The following ACOT7 variants were observed in gnomAD, a reference collection of about 807,000 sequenced individuals.
ACOT7 encodes acyl-CoA thioesterase 7.
Under a neutral mutation model 40.2 loss-of-function variants are expected in ACOT7, and 12 were observed. That is an observed-to-expected ratio of 0.30 (90% CI 0.19 to 0.48). The LOEUF (loss-of-function observed/expected upper bound fraction) is 0.48, where lower values mean the gene tolerates loss of function less well. Among genes scored for constraint, ACOT7 ranks in the 20% least tolerant of loss-of-function variants. The pLI, the probability that ACOT7 is intolerant of heterozygous loss-of-function variation, is 0.99. For synonymous variants in ACOT7, 228 were observed against 219.5 expected, an observed-to-expected ratio of 1.04 and a Z score of -0.34; for missense variants, 395 against 530.8, an observed-to-expected ratio of 0.74 and a Z score of 2.51.
intron 4 of ACOT7, 92 bp from the exon 5 acceptor site, chr1:6,327,505 G>A: frequency 9.4e-7 from 1 of 1,063,054 alleles, no homozygotes. Context: ...ATAGCCTTGT[G>A]TAACTGGGAC....
At chr1:6,346,333 C>T (rs1363102115) in intron 2 of ACOT7, among the ~76,000 whole-genome samples, 1 of 152,204 alleles carries the variant, frequency 6.6e-6, no homozygotes. Context: ...AACTCCTGAG[C>T]TCAAGTGACC....
chr1:6,329,069 C>T (rs929529916), intron 4 of ACOT7, among the ~76,000 whole-genome samples: 3 of 152,278 alleles, frequency 2.0e-5, no homozygotes, highest in Non-Finnish European at 4.4e-5. Context: ...CCTCTGGGCC[C>T]CTCGGCCGCC....
At chr1:6,326,756 T>C (rs1252300422) in intron 5 of ACOT7, among the ~76,000 whole-genome samples, 1 of 151,776 alleles carries the variant, frequency 6.6e-6, no homozygotes, top group East Asian at 1.9e-4. Context: ...TGAAACCCCA[T>C]CTCTACTAAA....
At chr1:6,276,440 T>C (rs1639191358) in intron 8 of ACOT7, among the ~76,000 whole-genome samples, 1 of 151,782 alleles carries the variant, frequency 6.6e-6, no homozygotes, top group African/African-American at 2.4e-5. Context: ...GACCGGGAAG[T>C]GCTGGCAGCT....
At chr1:6,265,499 C>T (rs998852880) in intron 8 of ACOT7, among the ~76,000 whole-genome samples, 57 of 152,328 alleles carry the variant, frequency 3.7e-4, no homozygotes, top group African/African-American at 1.4e-3. Context: ...TCTCATTGGT[C>T]TGGGGGCAGA....
At chr1:6,329,451 G>A (rs189102442) in intron 4 of ACOT7, among the ~76,000 whole-genome samples, 5 of 152,210 alleles carry the variant, frequency 3.3e-5, no homozygotes, top group African/African-American at 4.8e-5. Context: ...AACATTGGTG[G>A]GTGAACTTCA....
At chr1:6,310,579 C>T (rs61319057) in intron 6 of ACOT7, among the ~76,000 whole-genome samples, 1,652 of 152,290 alleles carry the variant, frequency 0.011, 27 homozygotes, top group African/African-American at 0.038. Flanking sequence ...TTGAGACAAA[C>T]CTACACTCTA....
chr1:6,316,755 A>T (rs1440637397), intron 6 of ACOT7, among the ~76,000 whole-genome samples: 1 of 152,210 alleles, frequency 6.6e-6, no homozygotes, highest in Admixed American at 6.5e-5. Context: ...GGATACAGTG[A>T]GACAAGATCA....
At position 6,299,049 on chromosome 1, in the gene ACOT7, C is replaced by A. The variant is rs1012104046; in HGVS notation, c.713-4069G>T. Among the ~76,000 whole-genome samples, 8 of 152,338 alleles carry A rather than the reference C, an allele frequency of 5.3e-5. No homozygotes were observed. In the South Asian group the frequency reaches 8.3e-4, roughly 16 times the overall value. On this transcript the variant is annotated intron_variant, in intron 6 of 8. Transcript: ENST00000361521. The surrounding 1 kb of genome is among the most constrained non-coding windows in gnomAD (Gnocchi z 4.1). ...CCTGGAGGGGCTTGAGTCCCTCTGT[C>A]CCCGTCTAGAGTGTGAGAGTCACTG...
rs112819928 is a variant in ACOT7 at position 6,299,400 on chromosome 1, C to G, written c.713-4420G>C. On this transcript the variant is annotated intron_variant, in intron 6 of 8. Coordinates refer to ENST00000361521, the MANE Select transcript of ACOT7 (RefSeq NM_007274.4). The surrounding 1 kb of genome is among the most constrained non-coding windows in gnomAD (Gnocchi z 4.1). ...TGAAATAACTCAGAACACCAGGTAA[C>G]ATGCTGGCTGAGAACCCCACACACT... Among the ~76,000 whole-genome samples the G allele has an allele frequency of 1.3e-5, 2 of 152,216 alleles. No homozygotes were observed. Among genetic ancestry groups the G allele is most frequent in the Non-Finnish European group, 2.9e-5 (2 of 68,038 alleles).
intron 8 of ACOT7, among the ~76,000 whole-genome samples, chr1:6,273,203 A>G (rs1021351541): frequency 6.6e-6 from 1 of 152,360 alleles, no homozygotes; most frequent in African/African-American, 2.4e-5. Context: ...AGATATATGC[A>G]GAGCAGAAAC....
chr1:6,358,422 C>G lies in ACOT7; in HGVS notation c.144-8556G>C, dbSNP rs989173266. ...CTCCTTGTGCAGCCCACAGACCCCC[C>G]CTCCACCGCAGGTAGGAAGCTCAGC... On this transcript the variant is annotated intron_variant, in intron 1 of 8. Transcript: ENST00000361521. The surrounding 1 kb of genome is among the most constrained non-coding windows in gnomAD (Gnocchi z 4.1). Among the ~76,000 whole-genome samples the G allele has an allele frequency of 1.4e-4, 21 of 152,340 alleles. No homozygotes were observed. Among genetic ancestry groups the G allele is most frequent in the Middle Eastern group, 6.8e-3 (2 of 294 alleles).
At chr1:6,388,117 CT>C (rs1003308953) in intron 1 of ACOT7, among the ~76,000 whole-genome samples, 2 of 148,884 alleles carry the variant, frequency 1.3e-5, no homozygotes, top group East Asian at 2.0e-4. Flanking sequence ...ACTTTTTTTT[CT>C]TTTTTTTTGA....
At chr1:6,266,738 C>G (rs531093913) in intron 8 of ACOT7, among the ~76,000 whole-genome samples, 2 of 152,256 alleles carry the variant, frequency 1.3e-5, no homozygotes. Context: ...CTGCCTGCAG[C>G]GGCAAGGCCG....
rs1460388702 is a variant in ACOT7, at chr1:6,306,821, C to T, written c.712+11671G>A. On this transcript the variant is annotated intron_variant, in intron 6 of 8. Coordinates refer to ENST00000361521, the MANE Select transcript of ACOT7 (RefSeq NM_007274.4). This position sits in a 1 kb window ranked among gnomAD's most constrained non-coding sequence, Gnocchi z 4.3. ...AGTGGGGGCTCCGGCCAAACAAGGT[C>T]ACGGAATTGGAAAAGAGTAACTGTG... is the stretch of plus-strand genomic sequence containing the variant. 7.8e-7 allele frequency: 1 copy of T among 1,288,936 alleles called. No individual in the cohort carries two copies. Among genetic ancestry groups the T allele is most frequent in the Non-Finnish European group, 1.0e-6 (1 of 988,638 alleles). 79.8% of individuals were successfully genotyped at this position (1,288,936 alleles called of 1,614,324 possible). A position where few individuals can be genotyped will look rare whatever the true frequency, so the allele number is the denominator to read the frequency against.
chr1:6,382,444 AAAAATGATT>A (rs1642357374), intron 1 of ACOT7, among the ~76,000 whole-genome samples: 1 of 151,842 alleles, frequency 6.6e-6, no homozygotes, highest in Non-Finnish European at 1.5e-5. Flanking sequence ...CTGGACATTT[AAAAATGATT>A]AAAATGAGCC....
chr1:6,367,633 A>G (rs1158820810), intron 1 of ACOT7, among the ~76,000 whole-genome samples: 1 of 152,196 alleles, frequency 6.6e-6, no homozygotes, highest in Non-Finnish European at 1.5e-5. Flanking sequence ...GCACACGGGA[A>G]TGCTGTGGTG....
chr1:6,271,049 G>A (rs1350555538), intron 8 of ACOT7, among the ~76,000 whole-genome samples: 1 of 152,192 alleles, frequency 6.6e-6, no homozygotes, highest in East Asian at 1.9e-4. Flanking sequence ...CCTAGTGGCT[G>A]CCTGGGCCTG....
intron 1 of ACOT7, among the ~76,000 whole-genome samples, chr1:6,354,923 G>A (rs1417545655): frequency 6.6e-6 from 1 of 151,432 alleles, no homozygotes; most frequent in Non-Finnish European, 1.5e-5. Flanking sequence ...GGCCCCGACT[G>A]CACAGCCCCA....
Sources: gnomAD v4.1 joint callset for allele counts (sites outside exome capture counted in the v4.1 genomes callset) on GRCh38, gnomAD v4.1.1 for gene constraint, Gnocchi (gnomAD v3.1) non-coding constraint, MANE v1.5 for transcripts, NCBI Gene and HGNC (gene_info 2026-07-23, HGNC 2026-07-21) for gene names.